The following MFHAS1 variants were observed in gnomAD, a reference collection of about 807,000 sequenced individuals.
The protein encoded by MFHAS1 is malignant fibrous histiocytoma-amplified sequence 1.
In MFHAS1, 50 loss-of-function variants were observed where a neutral mutation model predicts 70.4. The ratio of observed to expected loss-of-function variants is 0.71; its 90% CI spans 0.57 to 0.90. The LOEUF is 0.90. Among genes scored for constraint, MFHAS1 ranks in the 40% least tolerant of loss-of-function variants. The probability of loss-of-function intolerance (pLI) is 0.00; values close to 1 mark genes in which losing one functional copy is unlikely to be tolerated. For synonymous variants in MFHAS1, 952 were observed against 620.0 expected (o/e 1.54, Z -7.96); for missense variants, 1,795 against 1,347.6 (o/e 1.33, Z -5.20).
chr8:8,880,539 T>C (rs1809477947), intron 1 of MFHAS1, among the ~76,000 whole-genome samples: 1 of 152,012 alleles, frequency 6.6e-6, no homozygotes, highest in East Asian at 1.9e-4. Context: ...CTCCAGAGAG[T>C]AGTCTTAACA....
intron 1 of MFHAS1, among the ~76,000 whole-genome samples, chr8:8,872,535 C>T (rs551205484): frequency 1.6e-3 from 251 of 152,256 alleles, no homozygotes; most frequent in African/African-American, 5.9e-3. Flanking sequence ...TGGTAATCAA[C>T]AAGATGCAAT....
intron 1 of MFHAS1, among the ~76,000 whole-genome samples, chr8:8,798,619 G>A (rs957585395): frequency 6.6e-6 from 1 of 152,172 alleles, no homozygotes; most frequent in Non-Finnish European, 1.5e-5. Context: ...TTACAGGTGT[G>A]AGCCACCATG....
At chr8:8,868,992 C>G (rs370846885) in intron 1 of MFHAS1, among the ~76,000 whole-genome samples, 89 of 152,266 alleles carry the variant, frequency 5.8e-4, no homozygotes, top group Middle Eastern at 6.8e-3. Flanking sequence ...TGTTCCTAAC[C>G]ATTTATTTCA....
intron 1 of MFHAS1, among the ~76,000 whole-genome samples, chr8:8,889,426 G>A (rs1180541599): frequency 6.6e-6 from 1 of 152,102 alleles, no homozygotes; most frequent in Non-Finnish European, 1.5e-5. Context: ...GATTTTCTCT[G>A]GAATTTCTTA....
chr8:8,797,101 G>A (rs552654999), intron 2 of MFHAS1, among the ~76,000 whole-genome samples: 152 of 147,820 alleles, frequency 1.0e-3, no homozygotes, highest in African/African-American at 3.7e-3. Context: ...GTATGTGAAT[G>A]ACATCTCAAA....
intron 1 of MFHAS1, among the ~76,000 whole-genome samples, chr8:8,887,197 A>C (rs1304047790): frequency 6.6e-6 from 1 of 152,186 alleles, no homozygotes; most frequent in South Asian, 2.1e-4. Context: ...GTTTCTGCTG[A>C]ATTAATATAT....
At position 8,858,445 on chromosome 8, in the gene MFHAS1, G is replaced by A. The variant is rs532114863; in HGVS notation, c.2998+31616C>T. On this transcript the variant is annotated intron_variant, in intron 1 of 2. Transcript: ENST00000276282. Reference sequence around the variant, plus strand: ...ATATTAAATGGCCCATCCAGTTTTGGAGCCTAGGAAGGGTTCAACAAGAGT... The same window carrying A: ...ATATTAAATGGCCCATCCAGTTTTGAAGCCTAGGAAGGGTTCAACAAGAGT... Among the ~76,000 whole-genome samples the A allele has an allele frequency of 2.6e-5, 4 of 152,046 alleles. No homozygotes were observed. The East Asian group carries it at 7.7e-4, about 29-fold the overall frequency.
Position 8,891,151 on chromosome 8 carries a change from TCGTAAGTGGCG to T in MFHAS1, c.1897_1907del (p.Arg633ThrfsTer11). ...CTGACAGCAACTTGTCCCGAAGGCG[TCGTAAGTGGCG>T]CGGGTCCCTGCAGCTAACAGGCAAC... On this transcript the variant is annotated frameshift_variant, in exon 1 of 3. Coordinates refer to ENST00000276282, the MANE Select transcript of MFHAS1 (RefSeq NM_004225.3). LOFTEE classifies it high-confidence loss of function. The surrounding 1 kb of genome is among the most constrained non-coding windows in gnomAD (Gnocchi z 5.4). 6.2e-7 allele frequency: 1 copy of T among 1,613,504 alleles called. No homozygotes were observed. Among genetic ancestry groups the T allele is most frequent in the Non-Finnish European group, 8.5e-7 (1 of 1,180,010 alleles).
Position 8,891,870 on chromosome 8 carries a change from T to C in MFHAS1, c.1189A>G (p.Lys397Glu). 2 of 1,611,938 alleles carry C rather than the reference T, an allele frequency of 1.2e-6. No individual in the cohort carries two copies. The highest frequency in any genetic ancestry group is 1.7e-6 in the Non-Finnish European group (2 of 1,179,120). Residue 397 changes from lysine (K) to glutamate (E), a missense_variant, in exon 1 of 3, where the codon AAG (lysine) becomes GAG (glutamate). By Grantham distance (56) the Lys-to-Glu change is moderately conservative (BLOSUM62 1). Transcript: ENST00000276282. The surrounding 1 kb of genome is among the most constrained non-coding windows in gnomAD (Gnocchi z 5.4). The part of the protein sequence containing the change: ...KGIPYIAAYQ[K>E]ELAHSQPAVQ... ...GCCGGCTGGGAATGAGCCAGTTCCT[T>C]CTGGTAGGCTGCGATGTAGGGGATC... is the stretch of plus-strand genomic sequence containing the variant.
chr8:8,840,497 C>G (rs1444127526), intron 1 of MFHAS1, among the ~76,000 whole-genome samples: 1 of 151,296 alleles, frequency 6.6e-6, no homozygotes, highest in Non-Finnish European at 1.5e-5. Flanking sequence ...GGTTCATTAC[C>G]ATCTGGAACA....
At chr8:8,825,025 G>C (rs1480928461) in intron 1 of MFHAS1, among the ~76,000 whole-genome samples, 10 of 152,238 alleles carry the variant, frequency 6.6e-5, no homozygotes, top group Non-Finnish European at 1.5e-4. Context: ...AGAGGCAGTA[G>C]CTAAGTCAGT....
chr8:8,874,282 T>C (rs554101148), intron 1 of MFHAS1, among the ~76,000 whole-genome samples: 1 of 151,598 alleles, frequency 6.6e-6, no homozygotes, highest in Admixed American at 6.6e-5. Flanking sequence ...GAACAATACA[T>C]CCATTGGTAG....
chr8:8,854,092 C>T (rs1477892890), intron 1 of MFHAS1, among the ~76,000 whole-genome samples: 1 of 152,028 alleles, frequency 6.6e-6, no homozygotes, highest in Non-Finnish European at 1.5e-5. Context: ...ATAAGGTTGC[C>T]CAATTTACAA....
At chr8:8,869,479 A>G (rs1808987022) in intron 1 of MFHAS1, among the ~76,000 whole-genome samples, 1 of 152,106 alleles carries the variant, frequency 6.6e-6, no homozygotes. Flanking sequence ...AAAGTCTCTT[A>G]TTTCTATGAG....
chr8:8,818,559 C>T (rs190584719), intron 1 of MFHAS1, among the ~76,000 whole-genome samples: 1 of 152,354 alleles, frequency 6.6e-6, no homozygotes, highest in East Asian at 1.9e-4. Context: ...TTTTTCTCAT[C>T]TGTGCTCTGT....
intron 1 of MFHAS1, among the ~76,000 whole-genome samples, chr8:8,798,696 C>A (rs561819052): frequency 1.3e-5 from 2 of 152,220 alleles, no homozygotes; most frequent in African/African-American, 4.8e-5. Context: ...GGGAAAGACA[C>A]TACTGCAATT....
At chr8:8,862,786 G>C (rs949380326) in intron 1 of MFHAS1, among the ~76,000 whole-genome samples, 8 of 152,304 alleles carry the variant, frequency 5.3e-5, no homozygotes, top group African/African-American at 1.7e-4. Flanking sequence ...TGTGGTTGGG[G>C]ATGCTACTAA....
chr8:8,893,341 G>A lies in MFHAS1; in HGVS notation c.-283C>T, dbSNP rs1005690707. 1 of 146,406 alleles carries A rather than the reference G, an allele frequency of 6.8e-6. No homozygotes were observed. Among genetic ancestry groups the A allele is most frequent in the Non-Finnish European group, 1.5e-5 (1 of 66,000 alleles). The allele number at this position is 146,406 out of a possible 1,614,324, so 9.1% of individuals were successfully genotyped here. On this transcript the variant is annotated 5_prime_UTR_variant, in exon 1 of 3. Transcript: ENST00000276282. ...GCAGGGCCGCCGCCCGCGCGCCGCG[G>A]AGGATGCCTGCTCCTCCTCCCTCTC...
At chr8:8,823,461 C>T (rs1003993161) in intron 1 of MFHAS1, among the ~76,000 whole-genome samples, 2 of 152,124 alleles carry the variant, frequency 1.3e-5, no homozygotes, top group African/African-American at 2.4e-5. Context: ...CTCTGGGCCT[C>T]GTCCCTTCTA....
Sources: gnomAD v4.1 joint callset for allele counts (sites outside exome capture counted in the v4.1 genomes callset) on GRCh38, gnomAD v4.1.1 for gene constraint, Gnocchi (gnomAD v3.1) non-coding constraint, MANE v1.5 for transcripts, NCBI Gene and HGNC (gene_info 2026-07-23, HGNC 2026-07-21) for gene names.